Variants in RGS9 observed in about 807,000 individuals in gnomAD.
The protein encoded by RGS9 is regulator of G-protein signalling 9.
A neutral mutation model predicts 102.0 loss-of-function variants in RGS9; 78 were observed. The ratio of observed to expected loss-of-function variants is 0.76; its 90% CI spans 0.64 to 0.92. The LOEUF (loss-of-function observed/expected upper bound fraction) is 0.92. Ranked by LOEUF, RGS9 falls within the 40% of genes least tolerant of loss-of-function variation. The pLI is 0.00. For synonymous variants in RGS9, 353 were observed against 318.6 expected (o/e 1.11, Z -1.15); for missense variants, 833 against 866.1 (o/e 0.96, Z 0.48).
chr17:65,178,469 CT>C (rs112543272), intron 9 of RGS9, among the ~76,000 whole-genome samples: 4,253 of 149,922 alleles, frequency 0.028, 213 homozygotes, highest in African/African-American at 0.1. Flanking sequence ...CCAGATAATT[CT>C]TTTTTTTTCC....
chr17:65,201,557 C>T (rs1912845926), intron 13 of RGS9, among the ~76,000 whole-genome samples: 1 of 152,156 alleles, frequency 6.6e-6, no homozygotes, highest in South Asian at 2.1e-4. Context: ...TGTATAGAAG[C>T]CTATTCATGT....
rs1236632470 is a variant in RGS9 at position 65,173,163 on chromosome 17, C to T, written c.583-4569C>T. Among the ~76,000 whole-genome samples, 2 of 152,042 alleles carry T rather than the reference C, an allele frequency of 1.3e-5. No individual in the cohort carries two copies. Among genetic ancestry groups the T allele is most frequent in the East Asian group, 3.9e-4 (2 of 5,190 alleles). ...GGTCTCGAACTCCTGACCTCATGAT[C>T]TGCCGGCCTCAGGCTTTCAAAGTGC... On this transcript the variant is annotated intron_variant, in intron 8 of 18. Coordinates refer to ENST00000262406, the MANE Select transcript of RGS9 (RefSeq NM_003835.4). This position sits in a 1 kb window ranked among gnomAD's most constrained non-coding sequence, Gnocchi z 4.8.
At chr17:65,148,979 T>G (rs59608295) in intron 1 of RGS9, among the ~76,000 whole-genome samples, 9,186 of 152,216 alleles carry the variant, frequency 0.06, 875 homozygotes, top group African/African-American at 0.2. Flanking sequence ...TTTTGTTTTT[T>G]GAGGCAAGGT....
At position 65,182,126 on chromosome 17, in the gene RGS9, T is replaced by A. The variant is rs963789626; in HGVS notation, c.654+4323T>A. On this transcript the variant is annotated intron_variant, in intron 9 of 18. Transcript: ENST00000262406. ...GAACCTCAGTCTACACTGGCGAGTA[T>A]ACAGATCTTTTGGTAAAAGGCAGAA... Among the ~76,000 whole-genome samples the A allele has an allele frequency of 2.6e-5, 4 of 152,306 alleles. No homozygotes were observed. In the South Asian group the frequency reaches 8.3e-4, roughly 32 times the overall value.
intron 1 of RGS9, among the ~76,000 whole-genome samples, chr17:65,148,797 C>A (rs776886171): frequency 1.3e-5 from 2 of 152,174 alleles, no homozygotes; most frequent in African/African-American, 4.8e-5. Flanking sequence ...ATCTTCCTGC[C>A]TCAGCCTTCC....
intron 7 of RGS9, among the ~76,000 whole-genome samples, chr17:65,167,711 G>A (rs1230042358): frequency 6.6e-6 from 1 of 152,204 alleles, no homozygotes; most frequent in Non-Finnish European, 1.5e-5. Context: ...TAAGAAGCCA[G>A]GAGGTCAAAT....
chr17:65,190,285 C>A, intron 11 of RGS9, 49 bp downstream of exon 11: 1 of 1,445,030 alleles, frequency 6.9e-7, no homozygotes, highest in Non-Finnish European at 9.8e-7. Context: ...AACAGGTAGA[C>A]AAGAGGAGAA....
chr17:65,225,874 C>T (rs1331736614), intron 18 of RGS9, among the ~76,000 whole-genome samples: 1 of 152,208 alleles, frequency 6.6e-6, no homozygotes, highest in Non-Finnish European at 1.5e-5. Flanking sequence ...ATGCCCTGGG[C>T]ATGCTTCTGG....
chr17:65,194,782 G>T (rs1389963008), intron 12 of RGS9, among the ~76,000 whole-genome samples: 1 of 152,158 alleles, frequency 6.6e-6, no homozygotes, highest in Non-Finnish European at 1.5e-5. Context: ...GGGAGGTGGG[G>T]TGATGGGAAA....
rs139147156 is a variant in RGS9, at chr17:65,184,197, T to C, written c.655-5089T>C. On this transcript the variant is annotated intron_variant, in intron 9 of 18. Coordinates refer to ENST00000262406, the MANE Select transcript of RGS9 (RefSeq NM_003835.4). ...ATTGCTTAGAATTGTGCGTACTTTT[T>C]TTTTGTAACAACTTCGTTTTAACAT... is the stretch of plus-strand genomic sequence containing the variant. Among the ~76,000 whole-genome samples, 82 of 152,372 alleles carry C rather than the reference T, an allele frequency of 5.4e-4. No homozygotes were observed. The East Asian group carries it at 0.014, about 27-fold the overall frequency.
intron 16 of RGS9, among the ~76,000 whole-genome samples, chr17:65,209,093 C>T (rs1384385502): frequency 6.6e-6 from 1 of 152,108 alleles, no homozygotes; most frequent in Non-Finnish European, 1.5e-5. Flanking sequence ...CCTCTCTCTC[C>T]AGATATTTTA....
At chr17:65,169,131 G>A (rs1911310640) in intron 8 of RGS9, among the ~76,000 whole-genome samples, 1 of 152,204 alleles carries the variant, frequency 6.6e-6, no homozygotes, top group Non-Finnish European at 1.5e-5. Context: ...GGAGAACTGA[G>A]TGAGGCCTGG....
chr17:65,176,225 T>C (rs1911618974), intron 8 of RGS9, among the ~76,000 whole-genome samples: 1 of 152,212 alleles, frequency 6.6e-6, no homozygotes, highest in African/African-American at 2.4e-5. Context: ...TCTGGAGAGC[T>C]GGGTTACCTG....
chr17:65,166,172 C>T (rs987914379), intron 7 of RGS9, among the ~76,000 whole-genome samples: 4 of 152,216 alleles, frequency 2.6e-5, no homozygotes, highest in African/African-American at 9.7e-5. Flanking sequence ...AGGGTGACTG[C>T]TGTCCCACCT....
intron 12 of RGS9, among the ~76,000 whole-genome samples, chr17:65,195,640 C>T (rs1296098212): frequency 6.6e-6 from 1 of 152,130 alleles, no homozygotes; most frequent in African/African-American, 2.4e-5. Flanking sequence ...CATAGCTTAG[C>T]TCACATGAAA....
chr17:65,191,129 G>A (rs1464855851), intron 11 of RGS9, among the ~76,000 whole-genome samples: 1 of 152,186 alleles, frequency 6.6e-6, no homozygotes, highest in East Asian at 1.9e-4. Flanking sequence ...GATCCCAGCT[G>A]AGGAGGGCAC....
chr17:65,211,023 A>G (rs1913272738), intron 17 of RGS9, among the ~76,000 whole-genome samples: 1 of 152,162 alleles, frequency 6.6e-6, no homozygotes. Flanking sequence ...AGTGGTACAC[A>G]AAGCTCTCAC....
At chr17:65,168,130 G>C in intron 7 of RGS9, 70 bp from the exon 8 acceptor site, 1 of 1,014,442 alleles carries the variant, frequency 9.9e-7, no homozygotes. Context: ...AGGTCATCAG[G>C]AATGAGGGGC....
chr17:65,207,302 C>G (rs1159201674), intron 15 of RGS9, among the ~76,000 whole-genome samples: 1 of 152,176 alleles, frequency 6.6e-6, no homozygotes, highest in Non-Finnish European at 1.5e-5. Context: ...TTCACTGAAC[C>G]ACTCCAAGGT....
Sources: allele counts gnomAD v4.1 joint callset (sites outside exome capture counted in the v4.1 genomes callset), GRCh38; gene constraint gnomAD v4.1.1; non-coding constraint Gnocchi (gnomAD v3.1); transcripts MANE v1.5; gene names NCBI Gene and HGNC (gene_info 2026-07-23, HGNC 2026-07-21).